The following RBP2 variants were observed in gnomAD, a reference collection of about 807,000 sequenced individuals.
RBP2 encodes retinol-binding protein 2.
RBP2 carries 17 observed loss-of-function variants against 17.0 expected under a neutral mutation model. That is an observed-to-expected ratio of 1.00 (90% CI 0.68 to 1.50). The LOEUF (loss-of-function observed/expected upper bound fraction) is 1.50, where lower values mean the gene tolerates loss of function less well. RBP2 is among the 40% of genes most tolerant of loss of function. The pLI, the probability that RBP2 is intolerant of heterozygous loss-of-function variation, is 0.00. For missense variants in RBP2, 158 were observed against 168.2 expected, an observed-to-expected ratio of 0.94 and a Z score of 0.33; for synonymous variants, 48 against 57.1, an observed-to-expected ratio of 0.84 and a Z score of 0.72.
At chr3:139,475,102 A>G (rs1485847013) in intron 1 of RBP2, among the ~76,000 whole-genome samples, 1 of 152,036 alleles carries the variant, frequency 6.6e-6, no homozygotes, top group Admixed American at 6.5e-5. Flanking sequence ...CGGGTGGATC[A>G]CAAGGTCAGG....
intron 2 of RBP2, among the ~76,000 whole-genome samples, chr3:139,459,486 G>C (rs1362510302): frequency 1.3e-5 from 2 of 148,420 alleles, no homozygotes; most frequent in African/African-American, 5.0e-5. Context: ...AGCCAGGCAT[G>C]GTGGCGCACG....
At chr3:139,474,658 A>G (rs899200124) in intron 1 of RBP2, among the ~76,000 whole-genome samples, 7 of 152,156 alleles carry the variant, frequency 4.6e-5, no homozygotes, top group African/African-American at 9.7e-5. Context: ...GGCTGGGGCT[A>G]TTATCTCTAT....
chr3:139,459,778 G>T (rs1003062212), intron 2 of RBP2, among the ~76,000 whole-genome samples: 2 of 151,690 alleles, frequency 1.3e-5, no homozygotes, highest in Non-Finnish European at 2.9e-5. Flanking sequence ...GCCCATTGTT[G>T]GAGGCTGGGC....
intron 1 of RBP2, among the ~76,000 whole-genome samples, chr3:139,468,978 CA>C (rs1933457490): frequency 1.3e-5 from 2 of 151,892 alleles, no homozygotes; most frequent in Non-Finnish European, 1.5e-5. Flanking sequence ...TTGAACAATA[CA>C]AGCCATAAAG....
intron 1 of RBP2, among the ~76,000 whole-genome samples, chr3:139,471,165 C>T (rs1427975440): frequency 6.6e-6 from 1 of 152,190 alleles, no homozygotes; most frequent in East Asian, 1.9e-4. Flanking sequence ...TCTCCAATGC[C>T]TAGAGCACTT....
chr3:139,459,815 C>T (rs1250647239), intron 2 of RBP2, among the ~76,000 whole-genome samples: 2 of 146,306 alleles, frequency 1.4e-5, no homozygotes, highest in Non-Finnish European at 3.0e-5. Flanking sequence ...TTCTCACTCC[C>T]TACTAAGGGT....
chr3:139,475,365 C>G (rs917847274), intron 1 of RBP2, among the ~76,000 whole-genome samples: 2 of 148,034 alleles, frequency 1.4e-5, no homozygotes, highest in Non-Finnish European at 3.0e-5. Context: ...GAAGAAAGTG[C>G]TTAGTTCCAC....
At chr3:139,469,679 GTCTGTCTGTCTATCTA>G (rs1413314444) in intron 1 of RBP2, among the ~76,000 whole-genome samples, 51 of 130,952 alleles carry the variant, frequency 3.9e-4, no homozygotes, top group African/African-American at 1.4e-3. Flanking sequence ...CTGTCTGTCT[GTCTGTCTGTCTATCTA>G]TCTATCTATC....
At chr3:139,455,135 G>A (rs1009232836) in intron 2 of RBP2, among the ~76,000 whole-genome samples, 7 of 152,034 alleles carry the variant, frequency 4.6e-5, no homozygotes, top group African/African-American at 9.7e-5. Flanking sequence ...ACTATATAAC[G>A]ATGTAAAATT....
At chr3:139,469,980 TAA>T (rs1205111403) in intron 1 of RBP2, among the ~76,000 whole-genome samples, 2 of 152,234 alleles carry the variant, frequency 1.3e-5, no homozygotes, top group African/African-American at 4.8e-5. Flanking sequence ...TGGCCATGGA[TAA>T]GTCTCTCCAC....
rs1479389224 is a variant in RBP2 at position 139,454,657 on chromosome 3, AC to A, written c.354+71del. ...GTGCAGGGCCATTTTTCTTGTCAAA[AC>A]ACCTGGCTAGGTGACCACAGTAGCG... On this transcript the variant is annotated intron_variant, in intron 3 of 3. Coordinates refer to ENST00000232217, the MANE Select transcript of RBP2 (RefSeq NM_004164.3). 4 of 1,466,414 alleles carry A rather than the reference AC, an allele frequency of 2.7e-6. No individual in the cohort carries two copies. In the African/African-American group the frequency reaches 5.6e-5, roughly 20 times the overall value. The allele number at this position is 1,466,414 out of a possible 1,614,324, so 90.8% of individuals were successfully genotyped here. A position where few individuals can be genotyped will look rare whatever the true frequency, so the allele number is the denominator to read the frequency against.
intron 2 of RBP2, among the ~76,000 whole-genome samples, chr3:139,458,666 G>A (rs1933069927): frequency 6.6e-6 from 1 of 152,034 alleles, no homozygotes; most frequent in Admixed American, 6.5e-5. Flanking sequence ...CTCTCTCTAT[G>A]AATTTGCCTG....
At chr3:139,462,075 G>GA in intron 2 of RBP2, 37 bp downstream of exon 2, 1 of 1,554,072 alleles carries the variant, frequency 6.4e-7, no homozygotes, top group South Asian at 1.1e-5. Flanking sequence ...CCCTGGCACA[G>GA]AATGTGTGAA....
At chr3:139,459,536 T>C (rs748745433) in intron 2 of RBP2, among the ~76,000 whole-genome samples, 9 of 150,562 alleles carry the variant, frequency 6.0e-5, no homozygotes, top group Non-Finnish European at 8.9e-5. Context: ...GGCAGGAGAA[T>C]TGCTTGAACC....
At chr3:139,472,207 A>G (rs569394580) in intron 1 of RBP2, among the ~76,000 whole-genome samples, 3 of 152,092 alleles carry the variant, frequency 2.0e-5, no homozygotes, top group Admixed American at 1.3e-4. Context: ...CCATGCACAC[A>G]CTTCTTGTTA....
intron 1 of RBP2, among the ~76,000 whole-genome samples, chr3:139,471,260 G>A (rs1350016088): frequency 5.3e-5 from 8 of 152,214 alleles, no homozygotes; most frequent in Admixed American, 3.9e-4. Flanking sequence ...CTAGTGTGAT[G>A]TGTATCATGG....
At chr3:139,458,271 A>C (rs997608915) in intron 2 of RBP2, among the ~76,000 whole-genome samples, 1 of 151,946 alleles carries the variant, frequency 6.6e-6, no homozygotes, top group African/African-American at 2.4e-5. Context: ...TCCTTAGCGC[A>C]CTTGCCCTCA....
chr3:139,453,983 G>T (rs913832597), intron 3 of RBP2, among the ~76,000 whole-genome samples: 6 of 152,192 alleles, frequency 3.9e-5, no homozygotes, highest in African/African-American at 1.4e-4. Context: ...AGGGCACTGT[G>T]GCAACCTGAA....
intron 1 of RBP2, among the ~76,000 whole-genome samples, chr3:139,471,535 A>G (rs1247912310): frequency 6.6e-6 from 1 of 152,246 alleles, no homozygotes; most frequent in African/African-American, 2.4e-5. Flanking sequence ...TTCATAGAAG[A>G]TAATCCTCAC....
Sources: gnomAD v4.1 joint callset for allele counts (sites outside exome capture counted in the v4.1 genomes callset) on GRCh38, gnomAD v4.1.1 for gene constraint, MANE v1.5 for transcripts, NCBI Gene and HGNC (gene_info 2026-07-23, HGNC 2026-07-21) for gene names.